PRKG1: variants seen among roughly 807,000 people sequenced by gnomAD.
PRKG1 encodes the protein protein kinase cGMP-dependent 1, also known as cGMP-dependent protein kinase 1.
A neutral mutation model predicts 88.1 loss-of-function variants in PRKG1; 35 were observed. The ratio of observed to expected loss-of-function variants is 0.40; its 90% CI spans 0.30 to 0.53. The LOEUF (loss-of-function observed/expected upper bound fraction) is 0.53, where lower values mean the gene tolerates loss of function less well. Ranked by LOEUF, PRKG1 falls within the 20% of genes least tolerant of loss-of-function variation. The probability of loss-of-function intolerance (pLI) is 0.59; values close to 1 mark genes in which losing one functional copy is unlikely to be tolerated. For synonymous variants in PRKG1, 303 were observed against 292.5 expected, an observed-to-expected ratio of 1.04 and a Z score of -0.37; for missense variants, 540 against 839.8, an observed-to-expected ratio of 0.64 and a Z score of 4.41.
intron 1 of PRKG1, among the ~76,000 whole-genome samples, chr10:51,093,979 T>C (rs921396858): frequency 6.6e-6 from 1 of 151,648 alleles, no homozygotes; most frequent in African/African-American, 2.4e-5. Context: ...TTGTGGTTGT[T>C]TGTCCATGTA....
intron 5 of PRKG1, among the ~76,000 whole-genome samples, chr10:51,942,209 T>C (rs1375360671): frequency 6.6e-6 from 1 of 152,076 alleles, no homozygotes; most frequent in South Asian, 2.1e-4. Context: ...CCAGTGATGA[T>C]GAGCATTTTT....
Position 50,991,554 on chromosome 10 carries a change from C to T in PRKG1, c.176C>T (p.Thr59Ile). 1 of 1,608,688 alleles carries T rather than the reference C, an allele frequency of 6.2e-7. No homozygotes were observed. Residue 59 changes from threonine to isoleucine, a missense_variant, in exon 1 of 18, where the codon ACC (threonine) becomes ATC (isoleucine). Physicochemically the swap from Thr to Ile is moderately conservative, Grantham distance 89 (BLOSUM62 -1). Transcript: ENST00000401604. This position sits in a 1 kb window ranked among gnomAD's most constrained non-coding sequence, Gnocchi z 4.5. Reference sequence around the variant, plus strand: ...TCGACCCACATCGGCCCCCGGACCACCCGGGCGCAGGGCATCTCGGCCGAG... The same window carrying T: ...TCGACCCACATCGGCCCCCGGACCATCCGGGCGCAGGGCATCTCGGCCGAG...
intron 3 of PRKG1, among the ~76,000 whole-genome samples, chr10:51,782,968 G>A (rs894996890): frequency 1.3e-5 from 2 of 151,954 alleles, no homozygotes; most frequent in Admixed American, 6.6e-5. Flanking sequence ...GTCTTTTGAC[G>A]CCTGTGCCGT....
intron 1 of PRKG1, among the ~76,000 whole-genome samples, chr10:51,009,976 G>T (rs1842975831): frequency 6.6e-6 from 1 of 152,156 alleles, no homozygotes; most frequent in Non-Finnish European, 1.5e-5. Flanking sequence ...TATTGTAAAA[G>T]ATCTCAGGTA....
chr10:51,665,917 A>G (rs118102782), intron 3 of PRKG1, among the ~76,000 whole-genome samples: 1,560 of 150,354 alleles, frequency 0.01, 18 homozygotes, highest in Admixed American at 0.028. Context: ...ATTTATGAAT[A>G]TGTGTGTGTG....
intron 8 of PRKG1, among the ~76,000 whole-genome samples, chr10:52,156,468 AT>A (rs1487144667): frequency 6.6e-6 from 1 of 151,788 alleles, no homozygotes; most frequent in Non-Finnish European, 1.5e-5. Flanking sequence ...GATAGTAGGT[AT>A]TGTATATGTA....
intron 9 of PRKG1, among the ~76,000 whole-genome samples, chr10:52,171,773 TTCTTTTATCAAAA>T (rs1838686380): frequency 7.3e-5 from 11 of 150,168 alleles, no homozygotes; most frequent in Admixed American, 4.0e-4. Context: ...AGAAGTATTT[TTCTTTTATCAAAA>T]TTTTTTTTTT....
intron 2 of PRKG1, among the ~76,000 whole-genome samples, chr10:51,386,452 T>C (rs971295932): frequency 1.3e-5 from 2 of 152,070 alleles, no homozygotes; most frequent in Non-Finnish European, 2.9e-5. Context: ...TGATCTAAGT[T>C]CTAGTCCAGA....
intron 1 of PRKG1, among the ~76,000 whole-genome samples, chr10:51,011,934 G>T (rs888353790): frequency 2.0e-5 from 3 of 152,198 alleles, no homozygotes; most frequent in African/African-American, 7.2e-5. Flanking sequence ...GGTGGAAGTT[G>T]AAAGGCATGT....
chr10:51,601,718 T>G (rs1381016675), intron 3 of PRKG1, among the ~76,000 whole-genome samples: 2 of 125,764 alleles, frequency 1.6e-5, no homozygotes, highest in Non-Finnish European at 3.3e-5. Context: ...AGTGGCAGAT[T>G]GAATTTTTTT....
At chr10:51,510,257 A>G (rs552273230) in intron 3 of PRKG1, among the ~76,000 whole-genome samples, 1 of 152,288 alleles carries the variant, frequency 6.6e-6, no homozygotes, top group African/African-American at 2.4e-5. Flanking sequence ...TAATGTTTGT[A>G]TATGTATATG....
chr10:52,062,590 T>G lies in PRKG1; in HGVS notation c.894T>G (p.Thr298=). The G allele has an allele frequency of 2.5e-6, 4 of 1,609,650 alleles. No individual in the cohort carries two copies. The highest frequency in any genetic ancestry group is 3.4e-6 in the Non-Finnish European group (4 of 1,178,270). Residue 298 remains threonine (T), a synonymous_variant, in exon 7 of 18, where the codon ACT becomes ACG. Transcript: ENST00000373980. Reference sequence around the variant, plus strand: ...GTGAAGACCCAGTCTTTCTTAGAACTTTAGGAAAAGGAGACTGGTTTGGAG... The same window carrying G: ...GTGAAGACCCAGTCTTTCTTAGAACGTTAGGAAAAGGAGACTGGTTTGGAG... ...SPSEDPVFLR[T]LGKGDWFGEK...
At chr10:52,017,290 T>C (rs939592101) in intron 5 of PRKG1, among the ~76,000 whole-genome samples, 9 of 152,154 alleles carry the variant, frequency 5.9e-5, no homozygotes, top group African/African-American at 1.9e-4. Flanking sequence ...TTTTACTGTA[T>C]TTAAGACTGC....
intron 1 of PRKG1, among the ~76,000 whole-genome samples, chr10:51,099,219 C>T (rs7091200): frequency 0.73 from 111,139 of 151,900 alleles, 41,910 homozygotes; most frequent in Non-Finnish European, 0.83. Context: ...AACATGAATC[C>T]TCATTCCTAA....
At chr10:51,177,748 A>G (rs1837233703) in intron 2 of PRKG1, among the ~76,000 whole-genome samples, 1 of 152,096 alleles carries the variant, frequency 6.6e-6, no homozygotes, top group Admixed American at 6.6e-5. Context: ...TTATGCATAT[A>G]TATTTATACT....
At chr10:51,208,539 G>C (rs1838124508) in intron 2 of PRKG1, among the ~76,000 whole-genome samples, 1 of 152,172 alleles carries the variant, frequency 6.6e-6, no homozygotes, top group Non-Finnish European at 1.5e-5. Context: ...AGGATGAAAA[G>C]GGTTAGGGGA....
intron 3 of PRKG1, among the ~76,000 whole-genome samples, chr10:51,543,146 C>T (rs1842354246): frequency 6.6e-6 from 1 of 152,110 alleles, no homozygotes; most frequent in Admixed American, 6.6e-5. Context: ...TTGAACTTGG[C>T]CCTGTCCCAT....
At chr10:52,077,337 A>C (rs1322757620) in intron 7 of PRKG1, among the ~76,000 whole-genome samples, 3 of 151,846 alleles carry the variant, frequency 2.0e-5, no homozygotes, top group African/African-American at 7.3e-5. Flanking sequence ...AAAAAAGTAC[A>C]TGCTGTATAA....
At chr10:51,270,612 A>G (rs948301730) in intron 2 of PRKG1, among the ~76,000 whole-genome samples, 1 of 152,172 alleles carries the variant, frequency 6.6e-6, no homozygotes, top group Non-Finnish European at 1.5e-5. Context: ...TCATGCAAGC[A>G]GGATTTAAAT....
Sources: allele counts gnomAD v4.1 joint callset (sites outside exome capture counted in the v4.1 genomes callset), GRCh38; gene constraint gnomAD v4.1.1; non-coding constraint Gnocchi (gnomAD v3.1); transcripts MANE v1.5; gene names NCBI Gene and HGNC (gene_info 2026-07-23, HGNC 2026-07-21).